The following ADAM33 variants were observed in gnomAD, a reference collection of about 807,000 sequenced individuals.
ADAM33 encodes the protein ADAM metallopeptidase domain 33.
A neutral mutation model predicts 106.2 loss-of-function variants in ADAM33; 103 were observed. That is an observed-to-expected ratio of 0.97 (90% CI 0.83 to 1.14). The LOEUF (loss-of-function observed/expected upper bound fraction) is 1.14, where lower values mean the gene tolerates loss of function less well. ADAM33 is among the 50% of genes most tolerant of loss of function. The probability of loss-of-function intolerance (pLI) is 0.00; values close to 1 mark genes in which losing one functional copy is unlikely to be tolerated. For missense variants in ADAM33, 1,120 were observed against 1,096.6 expected (o/e 1.02, Z -0.30); for synonymous variants, 483 against 453.0 (o/e 1.07, Z -0.84).
At chr20:3,673,097 G>A in intron 11 of ADAM33, 199 bp from the exon 12 acceptor site, 1 of 1,452,534 alleles carries the variant, frequency 6.9e-7, no homozygotes, top group South Asian at 1.4e-5. Context: ...ACCCAAGGTG[G>A]AATCGCGACC....
chr20:3,669,112 C>A (rs1336642433), intron 21 of ADAM33, 112 bp from the exon 22 acceptor site: 5 of 1,341,010 alleles, frequency 3.7e-6, no homozygotes, highest in Non-Finnish European at 4.3e-6. Flanking sequence ...GGAAAAGCCA[C>A]AGCTTCTCCC....
At position 3,673,661 on chromosome 20, in the gene ADAM33, G is replaced by T; in HGVS notation, c.906-3C>A. The T allele has an allele frequency of 7.4e-7, 1 of 1,346,642 alleles. No homozygotes were observed. Among genetic ancestry groups the T allele is most frequent in the Non-Finnish European group, 9.5e-7 (1 of 1,056,268 alleles). The allele number at this position is 1,346,642 out of a possible 1,614,324, so 83.4% of individuals were successfully genotyped here. On this transcript the variant is annotated splice_region_variant and splice_polypyrimidine_tract_variant and intron_variant, in intron 9 of 21. Coordinates refer to ENST00000356518, the MANE Select transcript of ADAM33 (RefSeq NM_025220.5). ...TGGCGCCCTGGAAGGCGCGGCCCCTGGGGGCGGAGCGCGGCGTGACCAGGC... is the reference window on the plus strand; with the variant it reads ...TGGCGCCCTGGAAGGCGCGGCCCCTTGGGGCGGAGCGCGGCGTGACCAGGC...
intron 2 of ADAM33, among the ~76,000 whole-genome samples, chr20:3,679,125 T>C (rs369929429): frequency 6.4e-4 from 95 of 149,448 alleles, no homozygotes; most frequent in African/African-American, 2.3e-3. Flanking sequence ...CAAAAGGTTT[T>C]CTTTTTGGTG....
At chr20:3,679,675 A>C (rs2088305138) in intron 1 of ADAM33, 104 bp from the exon 2 acceptor site, 1 of 1,060,622 alleles carries the variant, frequency 9.4e-7, no homozygotes, top group African/African-American at 1.6e-5. Flanking sequence ...GAGGCACTGG[A>C]GGCCTTTTGG....
intron 2 of ADAM33, among the ~76,000 whole-genome samples, chr20:3,678,719 T>C (rs886228106): frequency 6.6e-6 from 1 of 152,156 alleles, no homozygotes; most frequent in African/African-American, 2.4e-5. Context: ...GTTCAGACCT[T>C]AGTGGGTCTC....
intron 1 of ADAM33, among the ~76,000 whole-genome samples, chr20:3,680,503 C>T (rs528549416): frequency 6.6e-6 from 1 of 152,326 alleles, no homozygotes; most frequent in East Asian, 1.9e-4. Context: ...AGACTACAAA[C>T]ATCAAAGACC....
At position 3,674,864 on chromosome 20, in the gene ADAM33, G is replaced by A; in HGVS notation, c.334-15C>T. On this transcript the variant is annotated splice_polypyrimidine_tract_variant and intron_variant, in intron 4 of 21. Transcript: ENST00000356518. ...TGGCAATGATCCTAGGGAGGAAGGG[G>A]CCAGCCCCAAATCTCAGCCAGGGCT... The A allele has an allele frequency of 6.2e-7, 1 of 1,608,026 alleles. No homozygotes were observed. Among genetic ancestry groups the A allele is most frequent in the Non-Finnish European group, 8.5e-7 (1 of 1,176,882 alleles).
rs1377892599 is a variant in ADAM33 at position 3,669,571 on chromosome 20, T to C, written c.2307A>G (p.Thr769=). 1.3e-6 allele frequency: 2 copies of C among 1,599,700 alleles called. No individual in the cohort carries two copies. Among genetic ancestry groups the C allele is most frequent in the Admixed American group, 3.5e-5 (2 of 57,562 alleles). ...GGVHPMELGP[T]ATGQPWPLDP... ...CCAGGGGCCAGGGCTGTCCAGTGGCTGTGGGGCCCAACTCCATGGGGTGAA... is the reference window on the plus strand; with the variant it reads ...CCAGGGGCCAGGGCTGTCCAGTGGCCGTGGGGCCCAACTCCATGGGGTGAA... The change falls in exon 20 of 22, where the codon ACA becomes ACG. Residue 769 remains threonine (T), a synonymous_variant. Transcript: ENST00000356518.
chr20:3,669,854 A>G, intron 19 of ADAM33: 2 of 656,356 alleles, frequency 3.0e-6, no homozygotes, highest in East Asian at 2.7e-5. Flanking sequence ...CTCGGCTGGC[A>G]CCTCCTCTCT....
chr20:3,681,751 C>A (rs1396543679), intron 1 of ADAM33, among the ~76,000 whole-genome samples, 157 bp downstream of exon 1: 1 of 151,758 alleles, frequency 6.6e-6, no homozygotes, highest in Non-Finnish European at 1.5e-5. Flanking sequence ...CCCACGGAGA[C>A]CCCCCCAAAG....
Position 3,674,069 on chromosome 20 carries a change from C to G in ADAM33, c.733G>C (p.Asp245His). ...CTCTCCCCGCCGCCCCCAACCTGGT[C>G]CACGTAGTTGGCGACTTCCAGGAGA... ...QRLLEVANYV[D>H]QLLRTLDIQV... Residue 245 changes from aspartate (D) to histidine (H), a missense_variant, in exon 8 of 22, where the codon GAC (aspartate) becomes CAC (histidine). Asp to His is a moderately conservative substitution (Grantham distance 81, BLOSUM62 -1). Coordinates refer to ENST00000356518, the MANE Select transcript of ADAM33 (RefSeq NM_025220.5). 6.2e-7 allele frequency: 1 copy of G among 1,614,166 alleles called. No individual in the cohort carries two copies. Among genetic ancestry groups the G allele is most frequent in the Non-Finnish European group, 8.5e-7 (1 of 1,180,038 alleles).
In ADAM33 at chr20:3,669,552, G is replaced by T. The variant is rs745958707; in HGVS notation, c.2326C>A (p.Pro776Thr). Residue 776 changes from proline (P) to threonine (T), a missense_variant, in exon 20 of 22, where the codon CCC becomes ACC. Coordinates refer to ENST00000356518, the MANE Select transcript of ADAM33 (RefSeq NM_025220.5). Reference protein sequence around the residue: ...LGPTATGQPWPLDPENSHEPS... With the variant: ...LGPTATGQPWTLDPENSHEPS... ...CCCCTGGTGCCTCACTCACCCAGGG[G>T]CCAGGGCTGTCCAGTGGCTGTGGGG... 2 of 1,592,280 alleles carry T rather than the reference G, an allele frequency of 1.3e-6. No homozygotes were observed. The highest frequency in any genetic ancestry group is 1.7e-6 in the Non-Finnish European group (2 of 1,170,108).
Position 3,671,339 on chromosome 20 carries a change from T to C in ADAM33, c.1990A>G (p.Asn664Asp), listed in dbSNP as rs375439960. The C allele has an allele frequency of 6.8e-6, 11 of 1,613,600 alleles. No homozygotes were observed. Among genetic ancestry groups the C allele is most frequent in the African/African-American group, 1.3e-5 (1 of 74,926 alleles). Residue 664 changes from asparagine to aspartate, a missense_variant, in exon 18 of 22, where the codon AAT (asparagine) becomes GAT (aspartate). Physicochemically the swap from Asn to Asp is conservative, Grantham distance 23. Coordinates refer to ENST00000356518, the MANE Select transcript of ADAM33 (RefSeq NM_025220.5). ...LTACHSHGVC[N>D]SNHNCHCAPG... is the part of the protein sequence containing the mutation. ...GCACAGTGGCAGTTATGGTTGCTAT[T>C]GCAAACCTGCAGAGAAGAGAAGAGG... is the stretch of plus-strand genomic sequence containing the variant.
In ADAM33 at chr20:3,673,765, G is replaced by C. The variant is rs2087738363; in HGVS notation, c.885C>G (p.His295Gln). Residue 295 changes from histidine (H) to glutamine (Q), a missense_variant, in exon 9 of 22, where the codon CAC (histidine) becomes CAG (glutamine). By Grantham distance (24) the His-to-Gln change is conservative. Transcript: ENST00000356518. Reference sequence around the variant, plus strand: ...CCCACGTGAGCAGCTGCGCGGAGTCGTGGGGCCGCTGCGCCCACAGCCCCC... The same window carrying C: ...CCCACGTGAGCAGCTGCGCGGAGTCCTGGGGCCGCTGCGCCCACAGCCCCC... ...WRRGLWAQRP[H>Q]DSAQLLTGRA... 6.6e-7 allele frequency: 1 copy of C among 1,525,600 alleles called. No homozygotes were observed. The highest frequency in any genetic ancestry group is 8.8e-7 in the Non-Finnish European group (1 of 1,141,362). 94.5% of individuals were successfully genotyped at this position (1,525,600 alleles called of 1,614,324 possible). A position where few individuals can be genotyped will look rare whatever the true frequency, so the allele number is the denominator to read the frequency against.
In ADAM33 at chr20:3,675,708, C is replaced by A. The variant is rs1023847456; in HGVS notation, c.255-603G>T. On this transcript the variant is annotated intron_variant, in intron 3 of 21. Coordinates refer to ENST00000356518, the MANE Select transcript of ADAM33 (RefSeq NM_025220.5). The surrounding 1 kb of genome is among the most constrained non-coding windows in gnomAD (Gnocchi z 4.1). ...TTCCACCCTCCCTGCCTTCTCCACA[C>A]CCACTCCGGTAATGATTCCATCTTC... Among the ~76,000 whole-genome samples the A allele has an allele frequency of 6.6e-6, 1 of 152,188 alleles. No individual in the cohort carries two copies. Among genetic ancestry groups the A allele is most frequent in the Non-Finnish European group, 1.5e-5 (1 of 68,036 alleles).
Position 3,672,188 on chromosome 20 carries a change from A to G in ADAM33, c.1543T>C (p.Trp515Arg), listed in dbSNP as rs615436. Residue 515 changes from tryptophan (W) to arginine (R), a missense_variant, in exon 14 of 22, where the codon TGG (tryptophan) becomes CGG (arginine). Trp to Arg is a moderately radical substitution (Grantham distance 101, BLOSUM62 -3). Transcript: ENST00000356518. ...SPCARGSGYC[W>R]DGACPTLEQQ... ...TCCAGCGTGGGACATGCGCCATCCC[A>G]GCAGTAGCCACTGCCCCTGGCACAG... 3.5e-3 allele frequency: 5,620 copies of G among 1,613,268 alleles called. 205 individuals are homozygous for G. In the African/African-American group the frequency reaches 0.068, roughly 20 times the overall value.
Position 3,669,530 on chromosome 20 carries a change from C to T in ADAM33, c.2332+16G>A. Reference sequence around the variant, plus strand: ...TTCTCCCTTCCCTCTCCACCTCCCCCTGGTGCCTCACTCACCCAGGGGCCA... The same window carrying T: ...TTCTCCCTTCCCTCTCCACCTCCCCTTGGTGCCTCACTCACCCAGGGGCCA... On this transcript the variant is annotated intron_variant, in intron 20 of 21. Transcript: ENST00000356518. 6.4e-7 allele frequency: 1 copy of T among 1,569,520 alleles called. No individual in the cohort carries two copies. The highest frequency in any genetic ancestry group is 8.6e-7 in the Non-Finnish European group (1 of 1,156,420).
intron 2 of ADAM33, among the ~76,000 whole-genome samples, chr20:3,677,463 A>G (rs1600240617): frequency 1.3e-5 from 2 of 152,118 alleles, no homozygotes; most frequent in Admixed American, 1.3e-4. Context: ...CTCTTCTTTC[A>G]TGCCCAGAAG....
chr20:3,669,622 TGGGCCATCTTTG>T lies in ADAM33; in HGVS notation c.2244_2255del (p.Lys749_Pro752del). On this transcript the variant is annotated inframe_deletion, in exon 20 of 22. Coordinates refer to ENST00000356518, the MANE Select transcript of ADAM33 (RefSeq NM_025220.5). ...CGCCGCCCAGGGGGTGGTCCCTGTGTGGGCCATCTTTGGGGCTGAGCAACGTGATAAGAGTCC... is the reference window on the plus strand; with the variant it reads ...CGCCGCCCAGGGGGTGGTCCCTGTGTGGGCTGAGCAACGTGATAAGAGTCC... 1.2e-6 allele frequency: 2 copies of T among 1,602,060 alleles called. No individual in the cohort carries two copies. Among genetic ancestry groups the T allele is most frequent in the Non-Finnish European group, 1.7e-6 (2 of 1,175,338 alleles).
Sources: gnomAD v4.1 joint callset for allele counts (sites outside exome capture counted in the v4.1 genomes callset) on GRCh38, gnomAD v4.1.1 for gene constraint, Gnocchi (gnomAD v3.1) non-coding constraint, MANE v1.5 for transcripts, NCBI Gene and HGNC (gene_info 2026-07-23, HGNC 2026-07-21) for gene names.